The following SPIDR variants were observed in gnomAD, a reference collection of about 807,000 sequenced individuals.
SPIDR encodes the protein DNA repair-scaffolding protein.
A neutral mutation model predicts 104.6 loss-of-function variants in SPIDR; 93 were observed. That is an observed-to-expected ratio of 0.89 (90% CI 0.75 to 1.06). The LOEUF (loss-of-function observed/expected upper bound fraction) is 1.06, where lower values mean the gene tolerates loss of function less well. Ranked by LOEUF, SPIDR falls within the 50% of genes least tolerant of loss-of-function variation. The probability of loss-of-function intolerance (pLI) is 0.00; values close to 1 mark genes in which losing one functional copy is unlikely to be tolerated. For missense variants in SPIDR, 1,154 were observed against 1,111.2 expected (o/e 1.04, Z -0.55); for synonymous variants, 431 against 416.9 (o/e 1.03, Z -0.41).
intron 19 of SPIDR, among the ~76,000 whole-genome samples, chr8:47,730,686 A>G (rs1215537710): frequency 6.6e-6 from 1 of 152,002 alleles, no homozygotes; most frequent in Non-Finnish European, 1.5e-5. Flanking sequence ...GGCTCAAACG[A>G]TCCCCCTGCC....
Position 47,260,982 on chromosome 8 carries a change from G to A in SPIDR, c.24G>A (p.Arg8=), listed in dbSNP as rs2031958936. 1 of 1,230,486 alleles carries A rather than the reference G, an allele frequency of 8.1e-7. No individual in the cohort carries two copies. Among genetic ancestry groups the A allele is most frequent in the Non-Finnish European group, 1.0e-6 (1 of 986,902 alleles). 76.2% of individuals were successfully genotyped at this position (1,230,486 alleles called of 1,614,324 possible). A position where few individuals can be genotyped will look rare whatever the true frequency, so the allele number is the denominator to read the frequency against. Residue 8 remains arginine, a synonymous_variant, in exon 1 of 20, where the codon CGG becomes CGA. Coordinates refer to ENST00000297423, the MANE Select transcript of SPIDR (RefSeq NM_001080394.4). ...AGATGCCCCGCGGCAGCCGCGCTCG[G>A]GGCTCTAAGGTAGGCTCTGGGGCGG... is the stretch of plus-strand genomic sequence containing the variant. MPRGSRA[R]GSKRKRSWNT...
intron 8 of SPIDR, among the ~76,000 whole-genome samples, chr8:47,490,256 A>T (rs989866360): frequency 6.6e-6 from 1 of 152,340 alleles, no homozygotes; most frequent in African/African-American, 2.4e-5. Flanking sequence ...ATTGCTCATC[A>T]TCACTGGCCA....
chr8:47,334,889 A>C (rs1235190241), intron 5 of SPIDR, among the ~76,000 whole-genome samples: 3 of 152,020 alleles, frequency 2.0e-5, no homozygotes, highest in African/African-American at 7.2e-5. Flanking sequence ...TTTTCTTAGT[A>C]TATCCCTTAC....
chr8:47,731,024 G>A (rs1198026980), intron 19 of SPIDR, among the ~76,000 whole-genome samples: 31 of 152,110 alleles, frequency 2.0e-4, no homozygotes, highest in Admixed American at 1.4e-3. Flanking sequence ...TTGAGAGGCC[G>A]AGGCGGGCGG....
chr8:47,400,122 A>C (rs1166775889), intron 6 of SPIDR, among the ~76,000 whole-genome samples: 1 of 152,150 alleles, frequency 6.6e-6, no homozygotes, highest in Non-Finnish European at 1.5e-5. Context: ...GCTGGAACGT[A>C]AGGGAGGCTA....
chr8:47,386,955 A>G (rs1209504939), intron 5 of SPIDR, among the ~76,000 whole-genome samples: 1 of 149,966 alleles, frequency 6.7e-6, no homozygotes, highest in East Asian at 1.9e-4. Flanking sequence ...AGATATAGAT[A>G]TAGATATAGA....
At chr8:47,606,358 A>C (rs1396247689) in intron 10 of SPIDR, among the ~76,000 whole-genome samples, 1 of 151,750 alleles carries the variant, frequency 6.6e-6, no homozygotes, top group Admixed American at 6.6e-5. Context: ...TCTTTACTAA[A>C]AATACAAAAA....
At chr8:47,510,698 A>G (rs1006038561) in intron 8 of SPIDR, among the ~76,000 whole-genome samples, 2 of 152,214 alleles carry the variant, frequency 1.3e-5, no homozygotes, top group Non-Finnish European at 2.9e-5. Flanking sequence ...GAAAAATTGT[A>G]TAAGAATTAT....
chr8:47,393,459 T>G (rs2060848743), intron 5 of SPIDR, among the ~76,000 whole-genome samples: 1 of 152,090 alleles, frequency 6.6e-6, no homozygotes, highest in Admixed American at 6.6e-5. Context: ...CATCTGAGGT[T>G]GTTGGCTCCT....
Position 47,550,846 on chromosome 8 carries a change from CGG to C in SPIDR, c.1098-44964_1098-44963del, listed in dbSNP as rs1213381837. ...GAAGGAGGGCATCCCTGTCTTGTGC[CGG>C]TTTTCAAAAGGAATGCTTCCAGCTT... On this transcript the variant is annotated intron_variant, in intron 8 of 19. Transcript: ENST00000297423. Among the ~76,000 whole-genome samples the C allele has an allele frequency of 0.012, 1,751 of 152,168 alleles. 66 individuals carry two copies. The East Asian group carries it at 0.14, about 12-fold the overall frequency.
intron 8 of SPIDR, among the ~76,000 whole-genome samples, chr8:47,491,920 C>CT (rs2078784155): frequency 6.6e-6 from 1 of 152,140 alleles, no homozygotes; most frequent in South Asian, 2.1e-4. Flanking sequence ...GCCGAGGTCT[C>CT]TAACCACACA....
chr8:47,567,191 C>A (rs1055635905), intron 8 of SPIDR, among the ~76,000 whole-genome samples: 1 of 151,460 alleles, frequency 6.6e-6, no homozygotes, highest in Non-Finnish European at 1.5e-5. Context: ...ATGGGGATTA[C>A]ACTGGTTTTG....
intron 10 of SPIDR, among the ~76,000 whole-genome samples, chr8:47,657,899 C>T (rs1385207753): frequency 6.6e-6 from 1 of 151,572 alleles, no homozygotes; most frequent in Admixed American, 6.6e-5. Context: ...GACACGGTAG[C>T]ACAGGCCTTA....
chr8:47,487,858 G>A (rs1474777543), intron 8 of SPIDR, among the ~76,000 whole-genome samples: 1 of 152,136 alleles, frequency 6.6e-6, no homozygotes, highest in South Asian at 2.1e-4. Context: ...TCAAAGCAGT[G>A]TGTAGAGGGA....
chr8:47,503,769 G>T (rs189904083), intron 8 of SPIDR, among the ~76,000 whole-genome samples: 443 of 152,222 alleles, frequency 2.9e-3, no homozygotes, highest in South Asian at 0.011. Flanking sequence ...GCAGTGGCTG[G>T]TACCGGTTGT....
chr8:47,490,339 C>T (rs1417254191), intron 8 of SPIDR, among the ~76,000 whole-genome samples: 1 of 152,154 alleles, frequency 6.6e-6, no homozygotes, highest in African/African-American at 2.4e-5. Flanking sequence ...ATTAAAAAGT[C>T]AGGAAACAAC....
rs1247855566 is a variant in SPIDR, at chr8:47,725,598, G to T, written c.2342-1602G>T. ...GTAGAGACGGAGTTTCACTGTGTTG[G>T]CCAGGATGGTCTCGATCTCTTGACC... On this transcript the variant is annotated intron_variant, in intron 16 of 19. Coordinates refer to ENST00000297423, the MANE Select transcript of SPIDR (RefSeq NM_001080394.4). Among the ~76,000 whole-genome samples the T allele has an allele frequency of 2.0e-5, 3 of 152,220 alleles. No individual in the cohort carries two copies. In the East Asian group the frequency reaches 5.8e-4, roughly 29 times the overall value.
At chr8:47,705,748 T>A (rs1411102234) in intron 14 of SPIDR, among the ~76,000 whole-genome samples, 1 of 151,918 alleles carries the variant, frequency 6.6e-6, no homozygotes, top group Non-Finnish European at 1.5e-5. Flanking sequence ...TACAAAAAAA[T>A]TAAAAATTAG....
intron 8 of SPIDR, among the ~76,000 whole-genome samples, chr8:47,591,277 C>T (rs1276399794): frequency 3.3e-5 from 5 of 149,596 alleles, no homozygotes; most frequent in Non-Finnish European, 7.4e-5. Flanking sequence ...TTATTTATAA[C>T]GTTTTGGTGT....
Sources: gnomAD v4.1 joint callset for allele counts (sites outside exome capture counted in the v4.1 genomes callset) on GRCh38, gnomAD v4.1.1 for gene constraint, MANE v1.5 for transcripts, NCBI Gene and HGNC (gene_info 2026-07-23, HGNC 2026-07-21) for gene names.